Variants in NFAM1 observed in about 807,000 individuals in gnomAD.
NFAM1 encodes NFAT activating protein with ITAM motif 1.
Under a neutral mutation model 29.0 loss-of-function variants are expected in NFAM1, and 17 were observed. That is an observed-to-expected ratio of 0.59 (90% CI 0.40 to 0.88). The LOEUF (loss-of-function observed/expected upper bound fraction) is 0.88, where lower values mean the gene tolerates loss of function less well. NFAM1 is among the 40% of genes least tolerant of loss of function. NFAM1 has a pLI of 0.00. For missense variants in NFAM1, 324 were observed against 344.6 expected (o/e 0.94, Z 0.47); for synonymous variants, 175 against 147.2 (o/e 1.19, Z -1.36).
chr22:42,385,055 G>T lies in NFAM1; in HGVS notation c.*106C>A. The T allele has an allele frequency of 1.2e-6, 1 of 823,816 alleles. No individual in the cohort carries two copies. The allele number at this position is 823,816 out of a possible 1,614,324, so 51.0% of individuals were successfully genotyped here. A position where few individuals can be genotyped will look rare whatever the true frequency, so the allele number is the denominator to read the frequency against. ...CCTTGAATGTGAGGGTGAAATGATG[G>T]GGTGTCCCTGGGGGCCTTACTCCCA... On this transcript the variant is annotated 3_prime_UTR_variant, in exon 6 of 6. Coordinates refer to ENST00000329021, the MANE Select transcript of NFAM1 (RefSeq NM_145912.8).
In NFAM1 at chr22:42,419,989, GGTTT is replaced by G. The variant is rs1930383813; in HGVS notation, c.122-8257_122-8254del. On this transcript the variant is annotated intron_variant, in intron 1 of 5. Transcript: ENST00000329021. This position sits in a 1 kb window ranked among gnomAD's most constrained non-coding sequence, Gnocchi z 4.5. ...CCTTTGAGTCTGTAATCCCACTCTT[GGTTT>G]TTTTTTTTTTTTTTTTTTTTTTTTT... 3.9e-3 allele frequency among the ~76,000 whole-genome samples: 221 copies of G among 56,512 alleles called. No individual in the cohort carries two copies. The highest frequency in any genetic ancestry group is 0.024 in the Middle Eastern group (3 of 126). 37.1% of individuals were successfully genotyped at this position (56,512 alleles called of 152,430 possible).
At chr22:42,411,831 C>G (rs1347567607) in intron 1 of NFAM1, 95 bp from the exon 2 acceptor site, 1 of 796,406 alleles carries the variant, frequency 1.3e-6, no homozygotes. Context: ...GGTGCGGTGG[C>G]TCACACCTGT....
rs901100363 is a variant in NFAM1, at chr22:42,419,666, G to A, written c.122-7930C>T. Reference sequence around the variant, plus strand: ...CGTAGACGTCAGCCTGCCACACTCCGGCGCCTTCGCCCGTGCTGTTCCGGC... The same window carrying A: ...CGTAGACGTCAGCCTGCCACACTCCAGCGCCTTCGCCCGTGCTGTTCCGGC... On this transcript the variant is annotated intron_variant, in intron 1 of 5. Coordinates refer to ENST00000329021, the MANE Select transcript of NFAM1 (RefSeq NM_145912.8). The surrounding 1 kb of genome is among the most constrained non-coding windows in gnomAD (Gnocchi z 4.5). Among the ~76,000 whole-genome samples, 1 of 152,130 alleles carries A rather than the reference G, an allele frequency of 6.6e-6. No homozygotes were observed. The highest frequency in any genetic ancestry group is 1.5e-5 in the Non-Finnish European group (1 of 68,004).
intron 1 of NFAM1, among the ~76,000 whole-genome samples, chr22:42,415,463 C>T (rs563155136): frequency 1.3e-5 from 2 of 151,980 alleles, no homozygotes; most frequent in Non-Finnish European, 1.5e-5. Flanking sequence ...CCATGCCTGG[C>T]TAATTTTTTG....
chr22:42,387,220 C>T lies in NFAM1; in HGVS notation c.664-142G>A, dbSNP rs563041081. The T allele has an allele frequency of 1.4e-4, 71 of 507,818 alleles. 1 individual carries two copies. The highest frequency in any genetic ancestry group is 1.3e-3 in the African/African-American group (66 of 49,448). 31.5% of individuals were successfully genotyped at this position (507,818 alleles called of 1,614,324 possible). ...AGCCCAGCCACACCTTTGCACCTGC[C>T]ACCCCCTTTCCCAGAGTCACCTTTC... On this transcript the variant is annotated intron_variant, in intron 4 of 5. Coordinates refer to ENST00000329021, the MANE Select transcript of NFAM1 (RefSeq NM_145912.8).
intron 2 of NFAM1, chr22:42,410,355 C>A: frequency 2.9e-6 from 1 of 341,580 alleles, no homozygotes; most frequent in Non-Finnish European, 5.9e-6. Context: ...GATCATCACT[C>A]CTTTGAGAAT....
At chr22:42,386,946 G>T in intron 5 of NFAM1, 43 bp downstream of exon 5, 2 of 1,096,188 alleles carry the variant, frequency 1.8e-6, no homozygotes, top group Non-Finnish European at 2.6e-6. Context: ...GGGAGGGTCA[G>T]ATGGAGCAAG....
intron 1 of NFAM1, among the ~76,000 whole-genome samples, chr22:42,424,409 C>T (rs967447158): frequency 9.7e-5 from 14 of 143,834 alleles, no homozygotes; most frequent in African/African-American, 2.4e-4. Context: ...AGCGAGACTC[C>T]GTCTCAAAAA....
chr22:42,418,508 A>G (rs1035355298), intron 1 of NFAM1, among the ~76,000 whole-genome samples: 2 of 152,158 alleles, frequency 1.3e-5, no homozygotes, highest in African/African-American at 4.8e-5. Context: ...CCTGGCCAAC[A>G]TGGTGAAACC....
In NFAM1 at chr22:42,385,127, C is replaced by T. The variant is rs1929090747; in HGVS notation, c.*34G>A. The T allele has an allele frequency of 6.4e-7, 1 of 1,574,730 alleles. No homozygotes were observed. The highest frequency in any genetic ancestry group is 8.7e-7 in the Non-Finnish European group (1 of 1,144,524). ...GGCAGGGGCTGCCCCGGTCCTCTGACCCAGGGCAAGCTCTATGAGCGGTGG... is the reference window on the plus strand; with the variant it reads ...GGCAGGGGCTGCCCCGGTCCTCTGATCCAGGGCAAGCTCTATGAGCGGTGG... On this transcript the variant is annotated 3_prime_UTR_variant, in exon 6 of 6. Coordinates refer to ENST00000329021, the MANE Select transcript of NFAM1 (RefSeq NM_145912.8).
intron 1 of NFAM1, among the ~76,000 whole-genome samples, chr22:42,426,106 G>T (rs1930613268): frequency 6.6e-6 from 1 of 152,218 alleles, no homozygotes; most frequent in African/African-American, 2.4e-5. Flanking sequence ...GGCTTCTTCA[G>T]GGGATGGGAG....
chr22:42,434,800 G>C (rs576733380), upstream of NFAM1, among the ~76,000 whole-genome samples: 4 of 152,332 alleles, frequency 2.6e-5, no homozygotes, highest in Non-Finnish European at 4.4e-5. Context: ...CACAGCCTTC[G>C]AGCTAGGCCT....
chr22:42,386,921 C>T lies in NFAM1; in HGVS notation c.753+68G>A, dbSNP rs75844857. 4.9e-3 allele frequency: 4,102 copies of T among 841,464 alleles called. 132 individuals are homozygous for T. In the African/African-American group the frequency reaches 0.064, roughly 13 times the overall value. 52.1% of individuals were successfully genotyped at this position (841,464 alleles called of 1,614,324 possible). On this transcript the variant is annotated intron_variant, in intron 5 of 5. Coordinates refer to ENST00000329021, the MANE Select transcript of NFAM1 (RefSeq NM_145912.8). ...CACTTCCATGTCCCATTTGCCCCCC[C>T]ACTTCACCAGTGATGGGAGGGTCAG...
chr22:42,403,673 C>T lies in NFAM1; in HGVS notation c.565-5717G>A, dbSNP rs370436292. ...AGGGCCCTATAAATGGTAAGCCCTT[C>T]AGCAAATGTTTATTGAGGGCCTACT... On this transcript the variant is annotated intron_variant, in intron 3 of 5. Coordinates refer to ENST00000329021, the MANE Select transcript of NFAM1 (RefSeq NM_145912.8). 6.2e-4 allele frequency among the ~76,000 whole-genome samples: 95 copies of T among 152,340 alleles called. 2 individuals are homozygous for T. Among genetic ancestry groups the T allele is most frequent in the African/African-American group, 2.3e-3 (94 of 41,576 alleles).
chr22:42,390,687 G>A (rs1315329787), intron 4 of NFAM1, among the ~76,000 whole-genome samples: 1 of 152,032 alleles, frequency 6.6e-6, no homozygotes, highest in African/African-American at 2.4e-5. Flanking sequence ...CGTGGTGACG[G>A]GTGCCTGTAG....
chr22:42,430,765 C>T (rs1930771589), intron 1 of NFAM1, among the ~76,000 whole-genome samples: 2 of 151,940 alleles, frequency 1.3e-5, no homozygotes, highest in African/African-American at 4.8e-5. Flanking sequence ...CCCAGTAGCA[C>T]CCCATAAAAC....
In NFAM1 at chr22:42,419,609, G is replaced by A. The variant is rs1930367575; in HGVS notation, c.122-7873C>T. Among the ~76,000 whole-genome samples, 1 of 152,180 alleles carries A rather than the reference G, an allele frequency of 6.6e-6. No individual in the cohort carries two copies. Among genetic ancestry groups the A allele is most frequent in the African/African-American group, 2.4e-5 (1 of 41,460 alleles). On this transcript the variant is annotated intron_variant, in intron 1 of 5. Coordinates refer to ENST00000329021, the MANE Select transcript of NFAM1 (RefSeq NM_145912.8). This position sits in a 1 kb window ranked among gnomAD's most constrained non-coding sequence, Gnocchi z 4.5. ...CCCAGGACCTGCACAGCCCCGCTCA[G>A]CTGCTCTCTGGCCCTCACTCGCCCA... is the stretch of plus-strand genomic sequence containing the variant.
upstream of NFAM1, among the ~76,000 whole-genome samples, chr22:42,435,722 A>G (rs1172735844): frequency 6.6e-6 from 1 of 152,034 alleles, no homozygotes; most frequent in Non-Finnish European, 1.5e-5. Context: ...CAGACAAAAC[A>G]TAAGTCATGG....
At chr22:42,418,335 G>A (rs968135330) in intron 1 of NFAM1, among the ~76,000 whole-genome samples, 6 of 152,174 alleles carry the variant, frequency 3.9e-5, no homozygotes, top group East Asian at 3.9e-4. Flanking sequence ...TACTTGCCAC[G>A]GGCCAGGCTG....
Sources: allele counts gnomAD v4.1 joint callset (sites outside exome capture counted in the v4.1 genomes callset), GRCh38; gene constraint gnomAD v4.1.1; non-coding constraint Gnocchi (gnomAD v3.1); transcripts MANE v1.5; gene names NCBI Gene and HGNC (gene_info 2026-07-23, HGNC 2026-07-21).